HUNK: variants seen among roughly 807,000 people sequenced by gnomAD.
HUNK encodes the protein hormonally up-regulated Neu-associated kinase.
In HUNK, 21 loss-of-function variants were observed where a neutral mutation model predicts 61.0. The observed-to-expected ratio is 0.34, with a 90% CI of 0.24 to 0.50. The LOEUF is 0.50. HUNK is among the 20% of genes least tolerant of loss of function. The pLI is 0.98. For synonymous variants in HUNK, 371 were observed against 386.1 expected (o/e 0.96, Z 0.46); for missense variants, 772 against 945.7 (o/e 0.82, Z 2.41).
At chr21:31,908,794 A>G (rs562856528) in intron 1 of HUNK, among the ~76,000 whole-genome samples, 2 of 152,306 alleles carry the variant, frequency 1.3e-5, no homozygotes, top group Admixed American at 1.3e-4. Flanking sequence ...AAGATGGGGC[A>G]GAGTTGGAAG....
In HUNK at chr21:31,873,704, G is replaced by C. The variant is rs945314758; in HGVS notation, c.30G>C (p.Leu10=). 147 of 1,148,540 alleles carry C rather than the reference G, an allele frequency of 1.3e-4. No homozygotes were observed. The highest frequency in any genetic ancestry group is 1.8e-4 in the African/African-American group (11 of 60,750). The allele number at this position is 1,148,540 out of a possible 1,614,324, so 71.1% of individuals were successfully genotyped here. A position where few individuals can be genotyped will look rare whatever the true frequency, so the allele number is the denominator to read the frequency against. The stretch of plus-strand genomic sequence containing the variant: ...CGGCGGCGGCGGGGGACGGGCTCCT[G>C]GGGGAGCCGGCGGCGCCTGGGGGCG... MPAAAGDGL[L]GEPAAPGGGG... The change falls in exon 1 of 11, where the codon CTG becomes CTC. Residue 10 remains leucine, a synonymous_variant. Transcript: ENST00000270112. This position sits in a 1 kb window ranked among gnomAD's most constrained non-coding sequence, Gnocchi z 6.1.
chr21:31,914,323 G>A (rs2052566887), intron 1 of HUNK, among the ~76,000 whole-genome samples: 2 of 145,480 alleles, frequency 1.4e-5, no homozygotes, highest in East Asian at 2.1e-4. Flanking sequence ...CAGGAGAATC[G>A]CTTGAACCCA....
intron 1 of HUNK, among the ~76,000 whole-genome samples, chr21:31,909,305 A>G (rs2052529768): frequency 6.6e-6 from 1 of 152,166 alleles, no homozygotes. Context: ...CTAGTCTCTC[A>G]CCAGCAGGAT....
intron 5 of HUNK, among the ~76,000 whole-genome samples, chr21:31,960,027 G>A (rs1392651091): frequency 1.3e-5 from 2 of 152,198 alleles, no homozygotes; most frequent in African/African-American, 2.4e-5. Context: ...CATAACTCTT[G>A]GAGTTAGAAA....
At chr21:31,984,857 C>G (rs1179869767) in intron 8 of HUNK, among the ~76,000 whole-genome samples, 1 of 152,130 alleles carries the variant, frequency 6.6e-6, no homozygotes, top group Admixed American at 6.5e-5. Flanking sequence ...TCTCACGCTG[C>G]TAATGAAGAC....
intron 3 of HUNK, among the ~76,000 whole-genome samples, chr21:31,941,707 AG>A (rs2052769982): frequency 6.6e-6 from 1 of 152,204 alleles, no homozygotes; most frequent in African/African-American, 2.4e-5. Context: ...AAATGCTTGC[AG>A]GAAGTCTCTC....
chr21:31,972,541 C>T (rs937505810), intron 6 of HUNK, among the ~76,000 whole-genome samples: 1 of 152,176 alleles, frequency 6.6e-6, no homozygotes, highest in South Asian at 2.1e-4. Flanking sequence ...CCTCTCCTTT[C>T]CATGCTGCTG....
At chr21:31,987,559 A>G (rs1184248257) in intron 8 of HUNK, among the ~76,000 whole-genome samples, 1 of 152,130 alleles carries the variant, frequency 6.6e-6, no homozygotes, top group East Asian at 1.9e-4. Flanking sequence ...TTTCTGTGTT[A>G]TTTCCTCTGT....
intron 3 of HUNK, among the ~76,000 whole-genome samples, chr21:31,941,309 C>CT (rs1202027816): frequency 0.029 from 3,934 of 137,210 alleles, 143 homozygotes; most frequent in African/African-American, 0.088. Flanking sequence ...TTCTCTCTCT[C>CT]TTTTTTTTTT....
chr21:31,891,674 C>A (rs973344393), intron 1 of HUNK, among the ~76,000 whole-genome samples: 1 of 152,110 alleles, frequency 6.6e-6, no homozygotes, highest in Non-Finnish European at 1.5e-5. Context: ...TGTTATGTTG[C>A]GAATATTGTC....
At chr21:31,981,028 T>C (rs1229025303) in intron 7 of HUNK, among the ~76,000 whole-genome samples, 1 of 152,234 alleles carries the variant, frequency 6.6e-6, no homozygotes, top group Non-Finnish European at 1.5e-5. Context: ...TCATTTTGAG[T>C]TGACTTTGCA....
Position 31,998,516 on chromosome 21 carries a change from T to G in HUNK, c.1487-10T>G. 6.4e-7 allele frequency: 1 copy of G among 1,567,340 alleles called. No individual in the cohort carries two copies. Among genetic ancestry groups the G allele is most frequent in the East Asian group, 2.2e-5 (1 of 44,566 alleles). On this transcript the variant is annotated splice_polypyrimidine_tract_variant and intron_variant, in intron 10 of 10. Transcript: ENST00000270112. ...GTCCTCATGATTGTTTATGCTTTCTTGGTGTGCAGATTCCTTTGGCTGCCG... is the reference window on the plus strand; with the variant it reads ...GTCCTCATGATTGTTTATGCTTTCTGGGTGTGCAGATTCCTTTGGCTGCCG...
At chr21:31,890,890 C>T (rs773266111) in intron 1 of HUNK, among the ~76,000 whole-genome samples, 15 of 152,064 alleles carry the variant, frequency 9.9e-5, no homozygotes, top group Non-Finnish European at 1.9e-4. Context: ...TAGTAATTTT[C>T]CCCTATCTTT....
At chr21:31,892,161 AAATATAT>A (rs1171388497) in intron 1 of HUNK, among the ~76,000 whole-genome samples, 2 of 100,584 alleles carry the variant, frequency 2.0e-5, no homozygotes, top group African/African-American at 7.3e-5. Context: ...AAAAAAAAAA[AAATATAT>A]ATATATATAT....
chr21:31,917,800 G>A (rs2052595997), intron 1 of HUNK, among the ~76,000 whole-genome samples: 1 of 150,966 alleles, frequency 6.6e-6, no homozygotes, highest in Non-Finnish European at 1.5e-5. Context: ...TTGGCTGGGG[G>A]CCTCATCCTT....
intron 1 of HUNK, among the ~76,000 whole-genome samples, chr21:31,887,450 G>C (rs1484359270): frequency 6.6e-6 from 1 of 152,108 alleles, no homozygotes; most frequent in South Asian, 2.1e-4. Context: ...TTGCAATCCT[G>C]CTTGCTTCTC....
chr21:31,884,556 C>T (rs1045982291), intron 1 of HUNK, among the ~76,000 whole-genome samples: 18 of 151,692 alleles, frequency 1.2e-4, no homozygotes, highest in African/African-American at 3.9e-4. Context: ...CATGACATTG[C>T]ACTCTAGCCT....
At position 31,873,525 on chromosome 21, in the gene HUNK, TCGC is replaced by T; in HGVS notation, c.-149_-147del. On this transcript the variant is annotated 5_prime_UTR_variant, in exon 1 of 11. It adds an upstream start codon to the 5' untranslated region. Coordinates refer to ENST00000270112, the MANE Select transcript of HUNK (RefSeq NM_014586.2). The surrounding 1 kb of genome is among the most constrained non-coding windows in gnomAD (Gnocchi z 6.1). ...TCGCTGGGCGGCGCGGGGGGCGTGA[TCGC>T]GGCGGCCCCGGGCTCTGGGTGCGGA... 1.9e-6 allele frequency: 1 copy of T among 525,568 alleles called. No individual in the cohort carries two copies. The highest frequency in any genetic ancestry group is 2.4e-6 in the Non-Finnish European group (1 of 409,832). The allele number at this position is 525,568 out of a possible 1,614,324, so 32.6% of individuals were successfully genotyped here. A position where few individuals can be genotyped will look rare whatever the true frequency, so the allele number is the denominator to read the frequency against.
At position 31,924,088 on chromosome 21, in the gene HUNK, T is replaced by A. The variant is rs2052642992; in HGVS notation, c.262-380T>A. Among the ~76,000 whole-genome samples the A allele has an allele frequency of 6.6e-6, 1 of 152,184 alleles. No homozygotes were observed. The highest frequency in any genetic ancestry group is 2.4e-5 in the African/African-American group (1 of 41,436). ...GATGATGGTGAGTCCTGAGGGGGACTGGGACAAGCCCTTTGCTGGAAGAGA... is the reference window on the plus strand; with the variant it reads ...GATGATGGTGAGTCCTGAGGGGGACAGGGACAAGCCCTTTGCTGGAAGAGA... On this transcript the variant is annotated intron_variant, in intron 1 of 10. Transcript: ENST00000270112. The surrounding 1 kb of genome is among the most constrained non-coding windows in gnomAD (Gnocchi z 5.1).
Sources: allele counts gnomAD v4.1 joint callset (sites outside exome capture counted in the v4.1 genomes callset), GRCh38; gene constraint gnomAD v4.1.1; non-coding constraint Gnocchi (gnomAD v3.1); transcripts MANE v1.5; gene names NCBI Gene and HGNC (gene_info 2026-07-23, HGNC 2026-07-21).